APBB1: variants seen among roughly 807,000 people sequenced by gnomAD.
The protein encoded by APBB1 is amyloid beta precursor protein binding family B member 1.
A neutral mutation model predicts 78.4 loss-of-function variants in APBB1; 22 were observed. The ratio of observed to expected loss-of-function variants is 0.28; its 90% confidence interval spans 0.20 to 0.40. The LOEUF (loss-of-function observed/expected upper bound fraction) is 0.40. Among genes scored for constraint, APBB1 ranks in the 10% least tolerant of loss-of-function variants. The probability of loss-of-function intolerance (pLI) is 1.00; values close to 1 mark genes in which losing one functional copy is unlikely to be tolerated. For missense variants in APBB1, 749 were observed against 932.4 expected (o/e 0.80, Z 2.56); for synonymous variants, 369 against 372.7 (o/e 0.99, Z 0.12).
rs923389775 is a variant in APBB1 at position 6,403,826 on chromosome 11, C to T, written c.722-4G>A. ...GCGTTGGGGTTCCAGAAGGAATCTG[C>T]CAGGTGGGAGGCTTGGTGAGGGTCA... On this transcript the variant is annotated splice_region_variant and splice_polypyrimidine_tract_variant and intron_variant, in intron 2 of 14. Transcript: ENST00000609360. The surrounding 1 kb of genome is among the most constrained non-coding windows in gnomAD (Gnocchi z 5.3). 6.5e-7 allele frequency: 1 copy of T among 1,538,398 alleles called. No homozygotes were observed. Among genetic ancestry groups the T allele is most frequent in the Non-Finnish European group, 8.8e-7 (1 of 1,140,980 alleles).
chr11:6,395,368 T>G lies in APBB1; in HGVS notation c.*166A>C. 3 of 695,282 alleles carry G rather than the reference T, an allele frequency of 4.3e-6. No individual in the cohort carries two copies. The highest frequency in any genetic ancestry group is 6.7e-6 in the Non-Finnish European group (3 of 444,448). The allele number at this position is 695,282 out of a possible 1,614,324, so 43.1% of individuals were successfully genotyped here. ...CAGTGTTATCACTTCCTTGAAGGGA[T>G]TAGATCTCTCCCTCCCCAGCTCCTA... On this transcript the variant is annotated 3_prime_UTR_variant, in exon 15 of 15. Transcript: ENST00000609360. This position sits in a 1 kb window ranked among gnomAD's most constrained non-coding sequence, Gnocchi z 5.2.
chr11:6,410,955 G>A lies in APBB1; in HGVS notation c.393C>T (p.Gly131=), dbSNP rs1403762241. The change falls in exon 2 of 15, where the codon GGC becomes GGT. Residue 131 remains glycine (G), a synonymous_variant. Transcript: ENST00000609360. ...TGATGATCAGGCCAGGTCCTCGTAGGCCTCGGTTGGCTGCGTTGTGAGCTG... is the reference window on the plus strand; with the variant it reads ...TGATGATCAGGCCAGGTCCTCGTAGACCTCGGTTGGCTGCGTTGTGAGCTG... ...ELSAHNAANR[G]LRGPGLIIST... 1.2e-6 allele frequency: 2 copies of A among 1,614,176 alleles called. No individual in the cohort carries two copies. Among genetic ancestry groups the A allele is most frequent in the Admixed American group, 1.7e-5 (1 of 60,032 alleles).
At chr11:6,402,427 G>A in intron 7 of APBB1, 149 bp downstream of exon 7, 1 of 1,107,784 alleles carries the variant, frequency 9.0e-7, no homozygotes, top group East Asian at 2.5e-5. Context: ...CTGGCCTGGG[G>A]TCGCTCATCC....
chr11:6,400,290 C>T (rs564198428), intron 12 of APBB1, among the ~76,000 whole-genome samples: 24 of 152,326 alleles, frequency 1.6e-4, no homozygotes, highest in African/African-American at 4.8e-4. Context: ...CCTGTAATCC[C>T]GGCACTCTCA....
intron 1 of APBB1, among the ~76,000 whole-genome samples, chr11:6,418,436 A>C (rs559471928): frequency 8.3e-4 from 126 of 152,362 alleles, no homozygotes; most frequent in African/African-American, 2.9e-3. Flanking sequence ...AGAGGGGCTC[A>C]GAATGCAAGA....
At chr11:6,419,114 G>A (rs1311038623), upstream of APBB1, 3 of 374,728 alleles carry the variant, frequency 8.0e-6, no homozygotes, top group East Asian at 7.7e-5. Context: ...CGCCCCGAGC[G>A]GCGGAGGCGC....
chr11:6,417,046 T>G (rs940759611), intron 1 of APBB1, among the ~76,000 whole-genome samples: 1 of 152,206 alleles, frequency 6.6e-6, no homozygotes, highest in Non-Finnish European at 1.5e-5. Context: ...GCCTGGCCCT[T>G]AAGACCAAAT....
chr11:6,402,462 TG>T, intron 7 of APBB1, 113 bp downstream of exon 7: 1 of 1,267,544 alleles, frequency 7.9e-7, no homozygotes, highest in Non-Finnish European at 1.1e-6. Context: ...CCACTTAGGA[TG>T]GGCCAATATC....
intron 2 of APBB1, chr11:6,404,508 T>A: frequency 7.0e-7 from 1 of 1,425,832 alleles, no homozygotes; most frequent in Admixed American, 2.0e-5. Flanking sequence ...ACGGCACACG[T>A]CAAACCCTGC....
intron 2 of APBB1, among the ~76,000 whole-genome samples, chr11:6,406,183 C>T (rs978220088): frequency 3.9e-5 from 6 of 152,214 alleles, no homozygotes; most frequent in Admixed American, 6.5e-5. Context: ...TATTCCAGAA[C>T]GCACACCTTC....
At chr11:6,415,632 C>T (rs553710349) in intron 1 of APBB1, among the ~76,000 whole-genome samples, 1 of 152,226 alleles carries the variant, frequency 6.6e-6, no homozygotes, top group East Asian at 1.9e-4. Context: ...TCTCCATTGG[C>T]CACCCGTCTC....
chr11:6,401,427 G>A lies in APBB1; in HGVS notation c.1506C>T (p.Ile502=), dbSNP rs769561310. The part of the protein sequence containing the change: ...ATSLHEICSK[I]MAERRNARCL... Reference sequence around the variant, plus strand: ...AGCGGGCATTACGCCGTTCGGCCATGATCTGAGGAAGGAAGGGAGGCGAGG... The same window carrying A: ...AGCGGGCATTACGCCGTTCGGCCATAATCTGAGGAAGGAAGGGAGGCGAGG... Residue 502 remains isoleucine, a splice_region_variant and synonymous_variant, in exon 11 of 15, where the codon ATC becomes ATT. Transcript: ENST00000609360. This position sits in a 1 kb window ranked among gnomAD's most constrained non-coding sequence, Gnocchi z 4.5. The A allele has an allele frequency of 2.5e-6, 4 of 1,613,580 alleles. No homozygotes were observed. In the African/African-American group the frequency reaches 5.3e-5, roughly 22 times the overall value.
In APBB1 at chr11:6,402,225, C is replaced by T; in HGVS notation, c.1255-16G>A. 3 of 1,612,322 alleles carry T rather than the reference C, an allele frequency of 1.9e-6. No homozygotes were observed. Among genetic ancestry groups the T allele is most frequent in the Non-Finnish European group, 2.5e-6 (3 of 1,179,862 alleles). On this transcript the variant is annotated splice_polypyrimidine_tract_variant and intron_variant, in intron 7 of 14. Coordinates refer to ENST00000609360, the MANE Select transcript of APBB1 (RefSeq NM_001164.5). ...GATCCTTTCCCTGCAGGACCAGAAG[C>T]AGGCACTCAGTGGGACTCCAGCCAG...
intron 2 of APBB1, chr11:6,404,858 C>T (rs2134084732): frequency 6.5e-7 from 1 of 1,530,020 alleles, no homozygotes; most frequent in East Asian, 2.4e-5. Context: ...CCAGCCCAGC[C>T]AGCTGGGCTC....
chr11:6,398,138 GATA>G (rs1848325187), intron 12 of APBB1, among the ~76,000 whole-genome samples: 1 of 152,172 alleles, frequency 6.6e-6, no homozygotes, highest in Admixed American at 6.5e-5. Flanking sequence ...TGTCAGATTT[GATA>G]ACTCAGGACT....
Position 6,419,052 on chromosome 11 carries a change from G to C in APBB1, c.-82C>G. Reference sequence around the variant, plus strand: ...GGCTGCGGGGTTCGGGCTCCGCCGCGGCTTCTCCATCACAACATCCCCCGC... The same window carrying C: ...GGCTGCGGGGTTCGGGCTCCGCCGCCGCTTCTCCATCACAACATCCCCCGC... On this transcript the variant is annotated 5_prime_UTR_variant, in exon 1 of 15. Transcript: ENST00000609360. 1 of 392,084 alleles carries C rather than the reference G, an allele frequency of 2.6e-6. No individual in the cohort carries two copies. Among genetic ancestry groups the C allele is most frequent in the Non-Finnish European group, 4.5e-6 (1 of 221,792 alleles). 24.3% of individuals were successfully genotyped at this position (392,084 alleles called of 1,614,324 possible).
At chr11:6,414,543 G>A (rs1395115532) in intron 1 of APBB1, among the ~76,000 whole-genome samples, 1 of 152,170 alleles carries the variant, frequency 6.6e-6, no homozygotes, top group African/African-American at 2.4e-5. Context: ...AGGAAGCTCA[G>A]AACTGGCTGG....
chr11:6,406,807 C>T (rs1079198), intron 2 of APBB1, among the ~76,000 whole-genome samples: 3,506 of 152,254 alleles, frequency 0.023, 138 homozygotes, highest in African/African-American at 0.08. Context: ...ACCACTCTCA[C>T]AGGCAGGGTC....
intron 12 of APBB1, 49 bp from the exon 13 acceptor site, chr11:6,396,264 C>T: frequency 6.8e-7 from 1 of 1,472,346 alleles, no homozygotes; most frequent in Non-Finnish European, 9.2e-7. Context: ...AGAGGATACC[C>T]CAGCTCTACC....
Sources: gnomAD v4.1 joint callset for allele counts (sites outside exome capture counted in the v4.1 genomes callset) on GRCh38, gnomAD v4.1.1 for gene constraint, Gnocchi (gnomAD v3.1) non-coding constraint, MANE v1.5 for transcripts, NCBI Gene and HGNC (gene_info 2026-07-23, HGNC 2026-07-21) for gene names.